The following CNTN4 variants were observed in gnomAD, a reference collection of about 807,000 sequenced individuals.
The protein encoded by CNTN4 is contactin-4.
Under a neutral mutation model 122.5 loss-of-function variants are expected in CNTN4, and 77 were observed. The ratio of observed to expected loss-of-function variants is 0.63; its 90% confidence interval spans 0.52 to 0.76. CNTN4 has a LOEUF of 0.76. Among genes scored for constraint, CNTN4 ranks in the 30% least tolerant of loss-of-function variants. The probability of loss-of-function intolerance (pLI) is 0.00; values close to 1 mark genes in which losing one functional copy is unlikely to be tolerated. For synonymous variants in CNTN4, 512 were observed against 447.0 expected (o/e 1.15, Z -1.83); for missense variants, 1,256 against 1,259.1 (o/e 1.00, Z 0.04).
rs1559415513 is a variant in CNTN4, at chr3:2,287,673, GAAGAAGAAGAAGAA to G, written c.-144-51504_-144-51491del. Among the ~76,000 whole-genome samples, 238 of 73,482 alleles carry G rather than the reference GAAGAAGAAGAAGAA, an allele frequency of 3.2e-3. 3 individuals carry two copies. The highest frequency in any genetic ancestry group is 6.1e-3 in the Middle Eastern group (1 of 164). The allele number at this position is 73,482 out of a possible 152,430, so 48.2% of individuals were successfully genotyped here. On this transcript the variant is annotated intron_variant, in intron 2 of 24. Transcript: ENST00000418658. ...AGAAGAAGAAGAAGAAGAAGAAGAA[GAAGAAGAAGAAGAA>G]GAAGAGGAAGAAGAAGAAGAAGAGG...
In CNTN4 at chr3:2,513,841, G is replaced by C. The variant is rs531624168; in HGVS notation, c.-88-57575G>C. Among the ~76,000 whole-genome samples, 6 of 152,166 alleles carry C rather than the reference G, an allele frequency of 3.9e-5. No individual in the cohort carries two copies. In the East Asian group the frequency reaches 7.7e-4, roughly 20 times the overall value. On this transcript the variant is annotated intron_variant, in intron 3 of 24. Coordinates refer to ENST00000418658, the MANE Select transcript of CNTN4 (RefSeq NM_175607.3). ...AGGGTATGTGGTCTCTTGACAGATC[G>C]GGAAGCCAGATATACCTTGTAAGAG... is the stretch of plus-strand genomic sequence containing the variant.
At chr3:2,341,052 A>G (rs567576142) in intron 3 of CNTN4, among the ~76,000 whole-genome samples, 5 of 152,120 alleles carry the variant, frequency 3.3e-5, no homozygotes, top group Admixed American at 1.3e-4. Context: ...CATTATTCCA[A>G]GATACTCTGA....
intron 2 of CNTN4, among the ~76,000 whole-genome samples, chr3:2,289,889 A>G (rs1216938677): frequency 6.6e-6 from 1 of 152,196 alleles, no homozygotes; most frequent in African/African-American, 2.4e-5. Context: ...AGTTCTTTCT[A>G]GACATTTGAT....
At chr3:2,759,236 A>T (rs1260448893) in intron 6 of CNTN4, among the ~76,000 whole-genome samples, 1 of 151,160 alleles carries the variant, frequency 6.6e-6, no homozygotes, top group East Asian at 1.9e-4. Flanking sequence ...GCTCACTGCA[A>T]CCTCTGCCTC....
intron 3 of CNTN4, among the ~76,000 whole-genome samples, chr3:2,507,258 G>T (rs192442705): frequency 4.8e-4 from 73 of 152,134 alleles, no homozygotes; most frequent in African/African-American, 1.7e-3. Context: ...TCGTTGCTGT[G>T]GGGGGCTGTC....
intron 4 of CNTN4, among the ~76,000 whole-genome samples, chr3:2,586,002 C>A (rs983350789): frequency 6.6e-6 from 1 of 151,964 alleles, no homozygotes; most frequent in Non-Finnish European, 1.5e-5. Context: ...AAGATAATTA[C>A]CATCCTCCTT....
At chr3:2,790,921 T>C in intron 6 of CNTN4, among the ~76,000 whole-genome samples, 1 of 152,328 alleles carries the variant, frequency 6.6e-6, no homozygotes, top group African/African-American at 2.4e-5. Flanking sequence ...ATTACTTTTG[T>C]TTAGATAAGG....
intron 2 of CNTN4, among the ~76,000 whole-genome samples, chr3:2,304,912 A>T (rs998776409): frequency 6.6e-6 from 1 of 151,704 alleles, no homozygotes; most frequent in Non-Finnish European, 1.5e-5. Flanking sequence ...GATTTGGCCA[A>T]CGGGGAAATT....
chr3:2,974,582 G>A (rs1362912011), intron 13 of CNTN4, among the ~76,000 whole-genome samples: 4 of 152,184 alleles, frequency 2.6e-5, no homozygotes, highest in African/African-American at 9.7e-5. Flanking sequence ...AAAGATTTAG[G>A]CTGTCTTGTA....
chr3:2,207,669 C>A (rs893721671), intron 2 of CNTN4, among the ~76,000 whole-genome samples: 3 of 152,010 alleles, frequency 2.0e-5, no homozygotes, highest in Non-Finnish European at 4.4e-5. Flanking sequence ...TTAAAGAAAC[C>A]AGCAAGTGTG....
rs112700568 is a variant in CNTN4 at position 2,115,294 on chromosome 3, T to C, written c.-145+14655T>C. 5.5e-3 allele frequency among the ~76,000 whole-genome samples: 843 copies of C among 152,356 alleles called. 14 individuals carry two copies. Among genetic ancestry groups the C allele is most frequent in the African/African-American group, 0.02 (815 of 41,582 alleles). On this transcript the variant is annotated intron_variant, in intron 2 of 24. Transcript: ENST00000418658. Reference sequence around the variant, plus strand: ...ACTGAACATGGTGTGTGGTCCAATATTAATGGTATCTCTACTGGGGGTTTT... The same window carrying C: ...ACTGAACATGGTGTGTGGTCCAATACTAATGGTATCTCTACTGGGGGTTTT...
chr3:2,910,662 A>G (rs2094289847), intron 12 of CNTN4, among the ~76,000 whole-genome samples: 2 of 152,130 alleles, frequency 1.3e-5, no homozygotes, highest in Non-Finnish European at 2.9e-5. Context: ...TATGTCTTTT[A>G]CCATTATCTA....
At chr3:2,443,245 C>T (rs1187436555) in intron 3 of CNTN4, among the ~76,000 whole-genome samples, 2 of 151,906 alleles carry the variant, frequency 1.3e-5, no homozygotes, top group African/African-American at 4.8e-5. Context: ...TTTTCTTTGA[C>T]AAACCTGTCC....
chr3:2,327,562 T>C (rs1161693837), intron 2 of CNTN4, among the ~76,000 whole-genome samples: 1 of 152,208 alleles, frequency 6.6e-6, no homozygotes, highest in East Asian at 1.9e-4. Flanking sequence ...GTTTTACATG[T>C]ATTTCCTTTC....
intron 2 of CNTN4, among the ~76,000 whole-genome samples, chr3:2,275,976 A>G (rs1184339385): frequency 8.6e-5 from 13 of 151,786 alleles, no homozygotes; most frequent in Admixed American, 8.5e-4. Flanking sequence ...AAGATTTGAA[A>G]TATCAGGTGA....
chr3:2,545,536 G>A (rs2078207606), intron 3 of CNTN4, among the ~76,000 whole-genome samples: 1 of 151,624 alleles, frequency 6.6e-6, no homozygotes, highest in Non-Finnish European at 1.5e-5. Flanking sequence ...TATGAATCTA[G>A]CTGCCCTTGT....
At chr3:2,466,440 C>G (rs779679861) in intron 3 of CNTN4, among the ~76,000 whole-genome samples, 1 of 152,172 alleles carries the variant, frequency 6.6e-6, no homozygotes, top group Non-Finnish European at 1.5e-5. Context: ...CCCTTCAAAG[C>G]TTTAAAAACC....
In CNTN4 at chr3:2,866,874, A is replaced by G. The variant is rs559646321; in HGVS notation, c.577A>G (p.Thr193Ala). 3.1e-4 allele frequency: 496 copies of G among 1,614,036 alleles called. 3 individuals are homozygous for G. The South Asian group carries it at 5.0e-3, about 16-fold the overall frequency. ...AGAAAAATCAGATGTTGGGAATTAT[A>G]CCTGTGTGGTTACCAATACCGTGAC... ...KVEKSDVGNY[T>A]CVVTNTVTNH... Residue 193 changes from threonine (T) to alanine (A), a missense_variant, in exon 8 of 25, where the codon ACC (threonine) becomes GCC (alanine). Physicochemically the swap from Thr to Ala is moderately conservative, Grantham distance 58. Coordinates refer to ENST00000418658, the MANE Select transcript of CNTN4 (RefSeq NM_175607.3).
intron 23 of CNTN4, among the ~76,000 whole-genome samples, chr3:3,045,322 G>C (rs1700533787): frequency 6.6e-6 from 1 of 152,198 alleles, no homozygotes; most frequent in Non-Finnish European, 1.5e-5. Context: ...AGAATGGACA[G>C]ACTCCCTCCT....
Sources: allele counts gnomAD v4.1 joint callset (sites outside exome capture counted in the v4.1 genomes callset), GRCh38; gene constraint gnomAD v4.1.1; transcripts MANE v1.5; gene names NCBI Gene and HGNC (gene_info 2026-07-23, HGNC 2026-07-21).